Variants in MYT1L observed in about 807,000 individuals in gnomAD.
The protein encoded by MYT1L is myelin transcription factor 1 like, also known as myelin transcription factor 1-like protein.
A neutral mutation model predicts 126.7 loss-of-function variants in MYT1L; 12 were observed. The ratio of observed to expected loss-of-function variants is 0.09; its 90% CI spans 0.06 to 0.15. The LOEUF (loss-of-function observed/expected upper bound fraction) is 0.15. Ranked by LOEUF, MYT1L falls within the 10% of genes least tolerant of loss-of-function variation. The probability of loss-of-function intolerance (pLI) is 1.00; values close to 1 mark genes in which losing one functional copy is unlikely to be tolerated. For missense variants in MYT1L, 979 were observed against 1,585.2 expected, an observed-to-expected ratio of 0.62 and a Z score of 6.49; for synonymous variants, 541 against 604.2, an observed-to-expected ratio of 0.90 and a Z score of 1.53.
rs1428972930 is a variant in MYT1L, at chr2:1,892,069, T to C, written c.2251A>G (p.Ser751Gly). Reference sequence around the variant, plus strand: ...GCGCACAGGTCCTGCGGCTTGGTGCTCAGGTTCTGCGGCATCTCGCGGCAG... The same window carrying C: ...GCGCACAGGTCCTGCGGCTTGGTGCCCAGGTTCTGCGGCATCTCGCGGCAG... ...TRCREMPQNL[S>G]TKPQDLCATR... The change falls in exon 15 of 25, where the codon AGC becomes GGC. Residue 751 changes from serine (S) to glycine (G), a missense_variant. By Grantham distance (56) the Ser-to-Gly change is moderately conservative (BLOSUM62 0). Coordinates refer to ENST00000647738, the MANE Select transcript of MYT1L (RefSeq NM_001303052.2). 2 of 1,540,078 alleles carry C rather than the reference T, an allele frequency of 1.3e-6. No homozygotes were observed. The highest frequency in any genetic ancestry group is 1.7e-6 in the Non-Finnish European group (2 of 1,145,670).
intron 18 of MYT1L, among the ~76,000 whole-genome samples, chr2:1,853,015 T>C (rs1041050282): frequency 1.3e-5 from 2 of 152,170 alleles, no homozygotes; most frequent in East Asian, 1.9e-4. Context: ...ACACATGACA[T>C]TGGCCGAATT....
rs1020605875 is a variant in MYT1L, at chr2:2,059,162, C to T, written c.-303-5039G>A. Among the ~76,000 whole-genome samples, 7 of 152,172 alleles carry T rather than the reference C, an allele frequency of 4.6e-5. No homozygotes were observed. The highest frequency in any genetic ancestry group is 1.2e-4 in the African/African-American group (5 of 41,444). The stretch of plus-strand genomic sequence containing the variant: ...CCCACACTGGCGGGAACTGAATGGC[C>T]GTTCCCATTTCTCTGAACAAAGGGT... On this transcript the variant is annotated intron_variant, in intron 3 of 24. Transcript: ENST00000647738. This position sits in a 1 kb window ranked among gnomAD's most constrained non-coding sequence, Gnocchi z 4.7.
At chr2:2,177,123 G>A (rs560953571) in intron 2 of MYT1L, among the ~76,000 whole-genome samples, 2 of 152,320 alleles carry the variant, frequency 1.3e-5, no homozygotes, top group Non-Finnish European at 1.5e-5. Flanking sequence ...GGACGATGTC[G>A]TCAACAGGAC....
chr2:2,283,662 G>A (rs897915779), intron 2 of MYT1L, among the ~76,000 whole-genome samples: 1 of 152,042 alleles, frequency 6.6e-6, no homozygotes, highest in African/African-American at 2.4e-5. Context: ...AGGCAGTAAG[G>A]GCTGCTCAGA....
At chr2:2,270,316 A>G (rs1559510230) in intron 2 of MYT1L, among the ~76,000 whole-genome samples, 1 of 152,210 alleles carries the variant, frequency 6.6e-6, no homozygotes, top group Non-Finnish European at 1.5e-5. Context: ...AGCCTCACAC[A>G]ATGTTTGTAG....
chr2:2,144,324 T>G (rs924624642), intron 3 of MYT1L, among the ~76,000 whole-genome samples: 4 of 152,264 alleles, frequency 2.6e-5, no homozygotes, highest in Admixed American at 2.0e-4. Context: ...AAGCTGCTGA[T>G]GGAGGTCACC....
intron 4 of MYT1L, among the ~76,000 whole-genome samples, chr2:2,037,615 T>C (rs1310635903): frequency 6.6e-6 from 1 of 151,518 alleles, no homozygotes; most frequent in Non-Finnish European, 1.5e-5. Flanking sequence ...AACTAGCTGG[T>C]CATGGTGGTG....
At chr2:2,197,879 GCA>G (rs141470375) in intron 2 of MYT1L, among the ~76,000 whole-genome samples, 1 of 145,454 alleles carries the variant, frequency 6.9e-6, no homozygotes, top group African/African-American at 2.6e-5. Flanking sequence ...ATATACACAT[GCA>G]CACACACACA....
At position 1,903,952 on chromosome 2, in the gene MYT1L, CGT is replaced by C. The variant is rs1293076789; in HGVS notation, c.1818-660_1818-659del. Among the ~76,000 whole-genome samples the C allele has an allele frequency of 3.3e-3, 492 of 149,094 alleles. 1 individual carries two copies. Among genetic ancestry groups the C allele is most frequent in the Non-Finnish European group, 4.0e-3 (265 of 65,972 alleles). Reference sequence around the variant, plus strand: ...GTGTGTGTGTGTGTGTGTGTGTGCGCGTGCGCGCGTGTGTGTGTCCACCTCTT... The same window carrying C: ...GTGTGTGTGTGTGTGTGTGTGTGCGCGCGCGCGTGTGTGTGTCCACCTCTT... On this transcript the variant is annotated intron_variant, in intron 13 of 24. Transcript: ENST00000647738.
chr2:2,270,637 T>A (rs1407869119), intron 2 of MYT1L, among the ~76,000 whole-genome samples: 1 of 152,146 alleles, frequency 6.6e-6, no homozygotes, highest in Non-Finnish European at 1.5e-5. Context: ...CCAATCTCCC[T>A]AATTGGTACT....
intron 3 of MYT1L, among the ~76,000 whole-genome samples, chr2:2,133,840 G>C (rs2082687468): frequency 6.6e-6 from 1 of 152,088 alleles, no homozygotes. Flanking sequence ...CGGGTGCTTA[G>C]GGACACACCA....
intron 21 of MYT1L, among the ~76,000 whole-genome samples, chr2:1,819,288 T>TA (rs1196883082): frequency 6.6e-6 from 1 of 152,208 alleles, no homozygotes; most frequent in Non-Finnish European, 1.5e-5. Context: ...CAGCAACACT[T>TA]ACCTCCTGTC....
At chr2:2,245,998 A>C (rs899828374) in intron 2 of MYT1L, among the ~76,000 whole-genome samples, 1 of 152,160 alleles carries the variant, frequency 6.6e-6, no homozygotes, top group African/African-American at 2.4e-5. Flanking sequence ...GCACAGTGAG[A>C]CCCATTTTAA....
chr2:2,254,498 C>T (rs565032808), intron 2 of MYT1L, among the ~76,000 whole-genome samples: 4 of 152,180 alleles, frequency 2.6e-5, no homozygotes, highest in South Asian at 2.1e-4. Flanking sequence ...GCTGCATTGC[C>T]GTGGTGGCCT....
At chr2:1,883,086 T>C (rs2047764784) in intron 18 of MYT1L, among the ~76,000 whole-genome samples, 1 of 152,212 alleles carries the variant, frequency 6.6e-6, no homozygotes, top group Non-Finnish European at 1.5e-5. Context: ...CAGTCCAGGC[T>C]GAGACATCAG....
chr2:2,239,857 T>A (rs2094402465), intron 2 of MYT1L, among the ~76,000 whole-genome samples: 1 of 151,444 alleles, frequency 6.6e-6, no homozygotes, highest in Non-Finnish European at 1.5e-5. Context: ...AGAGCTGCTG[T>A]GGGGAGCTCT....
Position 1,789,300 on chromosome 2 carries a change from T to A in MYT1L, c.*2567A>T, listed in dbSNP as rs2031615234. On this transcript the variant is annotated 3_prime_UTR_variant, in exon 25 of 25. Coordinates refer to ENST00000647738, the MANE Select transcript of MYT1L (RefSeq NM_001303052.2). ...AAACCCATGCCGTGTAGTACAAAAA[T>A]AAATCAAACTTCAGTTCCACAGAGA... 6.6e-6 allele frequency: 1 copy of A among 152,180 alleles called. No individual in the cohort carries two copies. Among genetic ancestry groups the A allele is most frequent in the Non-Finnish European group, 1.5e-5 (1 of 68,018 alleles). 9.4% of individuals were successfully genotyped at this position (152,180 alleles called of 1,614,324 possible).
intron 3 of MYT1L, among the ~76,000 whole-genome samples, chr2:2,089,146 G>A (rs578133539): frequency 1.2e-4 from 18 of 152,258 alleles, no homozygotes; most frequent in Admixed American, 3.3e-4. Context: ...TGAAATGTGC[G>A]GTTATTTGGA....
chr2:2,072,234 A>C (rs2074687183), intron 3 of MYT1L, among the ~76,000 whole-genome samples: 1 of 152,152 alleles, frequency 6.6e-6, no homozygotes, highest in African/African-American at 2.4e-5. Flanking sequence ...TACTGTCTTT[A>C]TAAGCCATTA....
Sources: gnomAD v4.1 joint callset for allele counts (sites outside exome capture counted in the v4.1 genomes callset) on GRCh38, gnomAD v4.1.1 for gene constraint, Gnocchi (gnomAD v3.1) non-coding constraint, MANE v1.5 for transcripts, NCBI Gene and HGNC (gene_info 2026-07-23, HGNC 2026-07-21) for gene names.